ADD2: variants seen among roughly 807,000 people sequenced by gnomAD.
ADD2 encodes the protein beta-adducin.
In ADD2, 23 loss-of-function variants were observed where a neutral mutation model predicts 83.0. That is an observed-to-expected ratio of 0.28 (90% confidence interval 0.20 to 0.39). ADD2 has a LOEUF of 0.39. Ranked by LOEUF, ADD2 falls within the 10% of genes least tolerant of loss-of-function variation. The pLI, the probability that ADD2 is intolerant of heterozygous loss-of-function variation, is 1.00. For synonymous variants in ADD2, 375 were observed against 375.4 expected, an observed-to-expected ratio of 1.00 and a Z score of 0.01; for missense variants, 758 against 944.9, an observed-to-expected ratio of 0.80 and a Z score of 2.59.
chr2:70,753,995 G>A (rs1421971545), intron 1 of ADD2, among the ~76,000 whole-genome samples: 2 of 152,158 alleles, frequency 1.3e-5, no homozygotes, highest in Non-Finnish European at 2.9e-5. Context: ...CAGAGCCACA[G>A]CAAGATGATG....
chr2:70,742,278 C>T (rs1204414877), intron 1 of ADD2, among the ~76,000 whole-genome samples: 1 of 152,058 alleles, frequency 6.6e-6, no homozygotes, highest in East Asian at 1.9e-4. Context: ...GAGTAAAACC[C>T]ATTTGTGTCT....
intron 2 of ADD2, among the ~76,000 whole-genome samples, chr2:70,711,698 G>A (rs1209641305): frequency 6.6e-6 from 1 of 152,188 alleles, no homozygotes; most frequent in African/African-American, 2.4e-5. Context: ...GAAGCTCTGT[G>A]CGCCCCACCT....
chr2:70,755,079 T>C (rs1181300140), intron 1 of ADD2, among the ~76,000 whole-genome samples: 2 of 152,136 alleles, frequency 1.3e-5, no homozygotes, highest in African/African-American at 2.4e-5. Context: ...ATCTGGGCCA[T>C]TGACCCTTGC....
In ADD2 at chr2:70,672,992, C is replaced by G. The variant is rs782203959; in HGVS notation, c.1756G>C (p.Ala586Pro). The G allele has an allele frequency of 6.2e-7, 1 of 1,613,120 alleles. No individual in the cohort carries two copies. The highest frequency in any genetic ancestry group is 1.1e-5 in the South Asian group (1 of 90,850). Residue 586 changes from alanine (A) to proline (P), a missense_variant, in exon 15 of 16, where the codon GCC becomes CCC. This residue lies in a region of ADD2 where 165 missense variants were observed against 176.2 expected (regional missense o/e 0.94). Transcript: ENST00000264436. ...GCAGGTGAGCCAGGCTCTTCTGGGG[C>G]AGTTTCTTTCTCTCCTGAAAAAACA... ...KLELDGEKET[A>P]PEEPGSPAKS...
rs1553368374 is a variant in ADD2 at position 70,676,751 on chromosome 2, A to G, written c.1593+45T>C. The G allele has an allele frequency of 6.2e-7, 1 of 1,613,666 alleles. No homozygotes were observed. Among genetic ancestry groups the G allele is most frequent in the Non-Finnish European group, 8.5e-7 (1 of 1,179,770 alleles). On this transcript the variant is annotated intron_variant, in intron 13 of 15. Coordinates refer to ENST00000264436, the MANE Select transcript of ADD2 (RefSeq NM_001617.4). The surrounding 1 kb of genome is among the most constrained non-coding windows in gnomAD (Gnocchi z 4.8). Reference sequence around the variant, plus strand: ...CAGCCCCAGGCACAGAAGACCCCGAAGGCAAACACGTTTCCCCGCCAGTCA... The same window carrying G: ...CAGCCCCAGGCACAGAAGACCCCGAGGGCAAACACGTTTCCCCGCCAGTCA...
rs1670124425 is a variant in ADD2, at chr2:70,676,072, C to T, written c.1593+724G>A. 1.0e-6 allele frequency: 1 copy of T among 985,292 alleles called. No homozygotes were observed. The highest frequency in any genetic ancestry group is 1.7e-5 in the African/African-American group (1 of 57,238). 61.0% of individuals were successfully genotyped at this position (985,292 alleles called of 1,614,324 possible). On this transcript the variant is annotated intron_variant, in intron 13 of 15. Transcript: ENST00000264436. The surrounding 1 kb of genome is among the most constrained non-coding windows in gnomAD (Gnocchi z 4.8). The stretch of plus-strand genomic sequence containing the variant: ...TTGACCTGAAATCATTGCATCATCA[C>T]AATTTGCCCTGCAGAGAGGAACATT...
intron 1 of ADD2, among the ~76,000 whole-genome samples, chr2:70,717,162 A>T (rs1486563591): frequency 6.6e-6 from 1 of 152,134 alleles, no homozygotes; most frequent in African/African-American, 2.4e-5. Flanking sequence ...GCCCCTCAGC[A>T]GAGTCCCTGC....
At chr2:70,752,476 G>T (rs1291401319) in intron 1 of ADD2, among the ~76,000 whole-genome samples, 4 of 152,070 alleles carry the variant, frequency 2.6e-5, no homozygotes, top group Non-Finnish European at 5.9e-5. Context: ...TGACATGCAG[G>T]AAGTACTGAA....
intron 1 of ADD2, among the ~76,000 whole-genome samples, chr2:70,717,394 C>A (rs527381651): frequency 6.6e-6 from 1 of 152,162 alleles, no homozygotes; most frequent in African/African-American, 2.4e-5. Context: ...TTGTTAAAAT[C>A]GGCTTAAGCT....
chr2:70,703,444 C>G (rs1173693802), intron 4 of ADD2, among the ~76,000 whole-genome samples: 3 of 152,150 alleles, frequency 2.0e-5, no homozygotes, highest in African/African-American at 7.2e-5. Context: ...CTGTTGGGAA[C>G]GTAAATTGGA....
chr2:70,743,733 C>A (rs1674040547), intron 1 of ADD2, among the ~76,000 whole-genome samples: 1 of 152,098 alleles, frequency 6.6e-6, no homozygotes, highest in Non-Finnish European at 1.5e-5. Flanking sequence ...CAAGAGTCAA[C>A]AATGAAATAG....
At chr2:70,760,370 G>C (rs892639717) in intron 1 of ADD2, among the ~76,000 whole-genome samples, 1 of 152,130 alleles carries the variant, frequency 6.6e-6, no homozygotes, top group Non-Finnish European at 1.5e-5. Context: ...TGGCTGTGCT[G>C]GATTCCCCAA....
chr2:70,712,414 A>AG (rs1672229410), intron 2 of ADD2, among the ~76,000 whole-genome samples: 1 of 150,494 alleles, frequency 6.6e-6, no homozygotes, highest in African/African-American at 2.5e-5. Context: ...ACTGCACTCC[A>AG]GCCTGGGTGA....
At chr2:70,754,427 C>T (rs896677395) in intron 1 of ADD2, among the ~76,000 whole-genome samples, 7 of 152,088 alleles carry the variant, frequency 4.6e-5, no homozygotes, top group Admixed American at 6.5e-5. Context: ...GGCCTGGGTG[C>T]ACATCTCCTC....
At position 70,768,056 on chromosome 2, in the gene ADD2, AGCAGT is replaced by A; in HGVS notation, c.-329_-325del. 1 of 1,343,538 alleles carries A rather than the reference AGCAGT, an allele frequency of 7.4e-7. No individual in the cohort carries two copies. The allele number at this position is 1,343,538 out of a possible 1,614,324, so 83.2% of individuals were successfully genotyped here. On this transcript the variant is annotated 5_prime_UTR_variant, in exon 1 of 16. Coordinates refer to ENST00000264436, the MANE Select transcript of ADD2 (RefSeq NM_001617.4). Reference sequence around the variant, plus strand: ...CGTCAGAGCTGCTGGGAGATCCCCCAGCAGTGCAGCGGCTCCGCGGCGGCGGGGAT... The same window carrying A: ...CGTCAGAGCTGCTGGGAGATCCCCCAGCAGCGGCTCCGCGGCGGCGGGGAT...
At chr2:70,684,100 G>A (rs1278029536) in intron 9 of ADD2, among the ~76,000 whole-genome samples, 3 of 152,164 alleles carry the variant, frequency 2.0e-5, no homozygotes, top group African/African-American at 4.8e-5. Context: ...GACAGGAAAG[G>A]ACTTCAAAGC....
chr2:70,758,283 A>G (rs928867626), intron 1 of ADD2, among the ~76,000 whole-genome samples: 4 of 152,300 alleles, frequency 2.6e-5, no homozygotes, highest in Admixed American at 2.0e-4. Flanking sequence ...GCTGCTCCAT[A>G]TGTCATTTCT....
At chr2:70,749,435 G>C (rs1553382567) in intron 1 of ADD2, among the ~76,000 whole-genome samples, 1 of 152,102 alleles carries the variant, frequency 6.6e-6, no homozygotes, top group African/African-American at 2.4e-5. Context: ...GTTTAACAAG[G>C]GCAACTTCCT....
At chr2:70,765,245 C>T (rs368177409) in intron 1 of ADD2, among the ~76,000 whole-genome samples, 4 of 152,098 alleles carry the variant, frequency 2.6e-5, no homozygotes, top group East Asian at 3.9e-4. Flanking sequence ...CCCAGCTATT[C>T]GGGAGGCTGA....
Sources: gnomAD v4.1 joint callset for allele counts (sites outside exome capture counted in the v4.1 genomes callset) on GRCh38, gnomAD v4.1.1 for gene constraint, gnomAD v4.1.1 regional missense constraint, Gnocchi (gnomAD v3.1) non-coding constraint, MANE v1.5 for transcripts, NCBI Gene and HGNC (gene_info 2026-07-23, HGNC 2026-07-21) for gene names.